The following BMP2K variants were observed in gnomAD, a reference collection of about 807,000 sequenced individuals.
BMP2K encodes BMP-2-inducible protein kinase.
BMP2K carries 74 observed loss-of-function variants against 116.0 expected under a neutral mutation model. That is an observed-to-expected ratio of 0.64 (90% confidence interval 0.53 to 0.77). The LOEUF (loss-of-function observed/expected upper bound fraction) is 0.77, where lower values mean the gene tolerates loss of function less well. Among genes scored for constraint, BMP2K ranks in the 30% least tolerant of loss-of-function variants. The pLI is 0.00. For missense variants in BMP2K, 1,365 were observed against 1,403.6 expected, an observed-to-expected ratio of 0.97 and a Z score of 0.44; for synonymous variants, 486 against 502.5, an observed-to-expected ratio of 0.97 and a Z score of 0.44.
chr4:78,847,378 G>C lies in BMP2K; in HGVS notation c.750+109G>C, dbSNP rs1731059920. On this transcript the variant is annotated intron_variant, in intron 6 of 15. Coordinates refer to ENST00000502613, the MANE Select transcript of BMP2K (RefSeq NM_198892.2). ...AAGGCATTTCCTAATAAGTAGAAGA[G>C]AGTGATGTACAGTAGAGCTTCTTAC... The C allele has an allele frequency of 4.8e-6, 3 of 621,138 alleles. No individual in the cohort carries two copies. In the South Asian group the frequency reaches 1.2e-4, roughly 24 times the overall value. The allele number at this position is 621,138 out of a possible 1,614,324, so 38.5% of individuals were successfully genotyped here.
chr4:78,778,029 AG>A (rs1184720580), intron 1 of BMP2K, among the ~76,000 whole-genome samples: 3 of 152,224 alleles, frequency 2.0e-5, no homozygotes, highest in Non-Finnish European at 2.9e-5. Context: ...AAAGTTTTCT[AG>A]CTCTTTATTA....
chr4:78,810,826 C>CT (rs1553914252), intron 1 of BMP2K, among the ~76,000 whole-genome samples: 2 of 151,906 alleles, frequency 1.3e-5, no homozygotes, highest in African/African-American at 4.8e-5. Context: ...TGAATAAAAA[C>CT]ATTGTTACAA....
intron 3 of BMP2K, 148 bp from the exon 4 acceptor site, chr4:78,842,237 T>C (rs1730793868): frequency 1.8e-6 from 1 of 556,866 alleles, no homozygotes; most frequent in Non-Finnish European, 3.0e-6. Context: ...ATTGAATTAA[T>C]ACAGTATGAT....
At chr4:78,878,984 G>C in intron 14 of BMP2K, 93 bp downstream of exon 14, 1 of 1,523,008 alleles carries the variant, frequency 6.6e-7, no homozygotes, top group Non-Finnish European at 8.7e-7. Flanking sequence ...AATGTGTATG[G>C]AAAATTCTTT....
intron 15 of BMP2K, among the ~76,000 whole-genome samples, chr4:78,906,390 C>T (rs1734286061): frequency 6.6e-6 from 1 of 152,076 alleles, no homozygotes; most frequent in Non-Finnish European, 1.5e-5. Context: ...ACCAGTCTAT[C>T]TACACCAACA....
At chr4:78,865,868 C>T (rs2110052014) in intron 10 of BMP2K, 148 bp downstream of exon 10, 3 of 763,946 alleles carry the variant, frequency 3.9e-6, no homozygotes, top group Non-Finnish European at 6.2e-6. Flanking sequence ...CTAATAAATT[C>T]AGTTGGTTTC....
At chr4:78,877,811 G>A (rs972422006) in intron 13 of BMP2K, among the ~76,000 whole-genome samples, 4 of 152,278 alleles carry the variant, frequency 2.6e-5, no homozygotes, top group Non-Finnish European at 4.4e-5. Context: ...AAACACATGA[G>A]TAAGCTGTTG....
At chr4:78,897,945 A>G (rs557090196) in intron 15 of BMP2K, among the ~76,000 whole-genome samples, 1 of 152,312 alleles carries the variant, frequency 6.6e-6, no homozygotes, top group South Asian at 2.1e-4. Context: ...CAATAGATAA[A>G]TTATTCTGTT....
chr4:78,780,963 A>G (rs1727476773), intron 1 of BMP2K, among the ~76,000 whole-genome samples: 1 of 152,202 alleles, frequency 6.6e-6, no homozygotes, highest in African/African-American at 2.4e-5. Context: ...AAAGTTAGGT[A>G]AAAACAGAGG....
At chr4:78,844,773 A>C (rs998070043) in intron 4 of BMP2K, among the ~76,000 whole-genome samples, 155 bp from the exon 5 acceptor site, 2 of 151,628 alleles carry the variant, frequency 1.3e-5, no homozygotes, top group Non-Finnish European at 3.0e-5. Context: ...TATATATGGC[A>C]CATGTATACT....
intron 12 of BMP2K, 58 bp downstream of exon 12, chr4:78,872,006 C>A (rs1367024476): frequency 1.7e-6 from 2 of 1,169,580 alleles, no homozygotes; most frequent in East Asian, 2.5e-5. Flanking sequence ...TTGGAATTCA[C>A]AGTATGAATC....
chr4:78,851,154 A>G (rs1004266815), intron 7 of BMP2K, 98 bp downstream of exon 7: 42 of 1,246,886 alleles, frequency 3.4e-5, no homozygotes, highest in Admixed American at 1.0e-4. Flanking sequence ...AATTTCATAT[A>G]TGAAAATTTT....
chr4:78,802,980 G>C lies in BMP2K; in HGVS notation c.179-23057G>C, dbSNP rs551818913. ...TTCTCCTGCCTCAGCTTTCCAAGTT[G>C]CTGGGATTACAGGCGCCTGCCACCA... is the stretch of plus-strand genomic sequence containing the variant. On this transcript the variant is annotated intron_variant, in intron 1 of 15. Transcript: ENST00000502613. Among the ~76,000 whole-genome samples the C allele has an allele frequency of 2.6e-5, 4 of 152,102 alleles. No homozygotes were observed. In the East Asian group the frequency reaches 7.7e-4, roughly 29 times the overall value.
intron 15 of BMP2K, among the ~76,000 whole-genome samples, chr4:78,898,310 C>T (rs1020454444): frequency 2.6e-5 from 4 of 151,966 alleles, no homozygotes; most frequent in Admixed American, 1.3e-4. Context: ...TTTGTTGGAA[C>T]ATAACATTTA....
At chr4:78,884,901 A>G (rs1733008116) in intron 14 of BMP2K, among the ~76,000 whole-genome samples, 1 of 152,214 alleles carries the variant, frequency 6.6e-6, no homozygotes, top group Non-Finnish European at 1.5e-5. Flanking sequence ...GAAAGATGTT[A>G]TGGGACTAGC....
Position 78,871,053 on chromosome 4 carries a change from T to C in BMP2K, c.1502T>C (p.Met501Thr). The change falls in exon 11 of 16, where the codon ATG (methionine) becomes ACG (threonine). Residue 501 changes from methionine to threonine, a missense_variant. Physicochemically the swap from Met to Thr is moderately conservative, Grantham distance 81. Coordinates refer to ENST00000502613, the MANE Select transcript of BMP2K (RefSeq NM_198892.2). The stretch of plus-strand genomic sequence containing the variant: ...CACCACCTACTTCAAGATGCTTATA[T>C]GCAGCAGGTAATTTTTTTGTTTCTT... ...HHHHLLQDAY[M>T]QQYQHATQQQ... The C allele has an allele frequency of 1.9e-6, 3 of 1,603,476 alleles. No individual in the cohort carries two copies. Among genetic ancestry groups the C allele is most frequent in the Non-Finnish European group, 2.5e-6 (3 of 1,179,412 alleles).
At chr4:78,873,956 G>T (rs28673838) in intron 13 of BMP2K, among the ~76,000 whole-genome samples, 15,238 of 151,908 alleles carry the variant, frequency 0.1, 2,470 homozygotes, top group African/African-American at 0.35. Context: ...AGGGCAGGCG[G>T]ATCACGAGGT....
At chr4:78,804,678 A>T (rs958928147) in intron 1 of BMP2K, among the ~76,000 whole-genome samples, 2 of 149,378 alleles carry the variant, frequency 1.3e-5, no homozygotes, top group Admixed American at 1.3e-4. Flanking sequence ...GTTCCTAATG[A>T]CTGATGTTGA....
At chr4:78,904,370 A>G (rs1045498140) in intron 15 of BMP2K, among the ~76,000 whole-genome samples, 3 of 151,908 alleles carry the variant, frequency 2.0e-5, no homozygotes, top group African/African-American at 7.2e-5. Context: ...ATTAGTTCCT[A>G]TTCCCTCTGA....
Sources: allele counts gnomAD v4.1 joint callset (sites outside exome capture counted in the v4.1 genomes callset), GRCh38; gene constraint gnomAD v4.1.1; transcripts MANE v1.5; gene names NCBI Gene and HGNC (gene_info 2026-07-23, HGNC 2026-07-21).